Variants in PTPRS observed in about 807,000 individuals in gnomAD.
PTPRS encodes protein tyrosine phosphatase receptor type S, also known as receptor-type tyrosine-protein phosphatase S.
In PTPRS, 63 loss-of-function variants were observed where a neutral mutation model predicts 215.3. The observed-to-expected ratio is 0.29, with a 90% CI of 0.24 to 0.36. The LOEUF (loss-of-function observed/expected upper bound fraction) is 0.36, where lower values mean the gene tolerates loss of function less well. PTPRS is among the 10% of genes least tolerant of loss of function. The pLI is 1.00. For synonymous variants in PTPRS, 1,404 were observed against 1,191.4 expected, an observed-to-expected ratio of 1.18 and a Z score of -3.68; for missense variants, 2,258 against 2,825.8, an observed-to-expected ratio of 0.80 and a Z score of 4.56.
At position 5,210,711 on chromosome 19, in the gene PTPRS, C is replaced by A. The variant is rs1231208863; in HGVS notation, c.5329G>T (p.Val1777Leu). Residue 1777 changes from valine (V) to leucine (L), a missense_variant, in exon 34 of 38, where the codon GTG becomes TTG. Val to Leu is a conservative substitution (Grantham distance 32). Coordinates refer to ENST00000262963, the MANE Select transcript of PTPRS (RefSeq NM_002850.4). The surrounding 1 kb of genome is among the most constrained non-coding windows in gnomAD (Gnocchi z 4.5). The part of the protein sequence containing the change: ...MLWENNSTIV[V>L]MLTKLREMGR... The stretch of plus-strand genomic sequence containing the variant: ...ATCTCCCGCAGCTTGGTCAGCATCA[C>A]CACGATCGTCGAATTGTTCTCCCAC... The A allele has an allele frequency of 6.2e-7, 1 of 1,614,198 alleles. No homozygotes were observed. Among genetic ancestry groups the A allele is most frequent in the Admixed American group, 1.7e-5 (1 of 60,026 alleles).
intron 2 of PTPRS, among the ~76,000 whole-genome samples, chr19:5,276,079 C>T (rs1357420593): frequency 6.6e-6 from 1 of 152,246 alleles, no homozygotes; most frequent in East Asian, 1.9e-4. Flanking sequence ...CTTGCTTTGG[C>T]TGGACATGCA....
intron 5 of PTPRS, among the ~76,000 whole-genome samples, chr19:5,264,004 T>C (rs2046222130): frequency 6.6e-6 from 1 of 152,152 alleles, no homozygotes; most frequent in African/African-American, 2.4e-5. Flanking sequence ...CCCAGACAGA[T>C]GGACCCACAG....
Position 5,208,045 on chromosome 19 carries a change from G to A in PTPRS, c.5655C>T (p.Gly1885=), listed in dbSNP as rs531465256. 3.0e-5 allele frequency: 49 copies of A among 1,612,136 alleles called. No homozygotes were observed. Among genetic ancestry groups the A allele is most frequent in the Non-Finnish European group, 4.1e-5 (48 of 1,179,076 alleles). ...PISVHCSAGV[G]RTGVFITLSI... is the part of the protein sequence containing the mutation. Reference sequence around the variant, plus strand: ...TAAGCGTGATGAAGACGCCCGTCCTGCCCACGCCGGCACTGGTGGCAGTAA... The same window carrying A: ...TAAGCGTGATGAAGACGCCCGTCCTACCCACGCCGGCACTGGTGGCAGTAA... The change falls in exon 37 of 38, where the codon GGC becomes GGT. Residue 1885 remains glycine, a synonymous_variant. Transcript: ENST00000262963.
At position 5,247,483 on chromosome 19, in the gene PTPRS, A is replaced by G. The variant is rs968623404; in HGVS notation, c.719-1438T>C. Among the ~76,000 whole-genome samples the G allele has an allele frequency of 2.6e-5, 4 of 152,144 alleles. No individual in the cohort carries two copies. In the East Asian group the frequency reaches 7.7e-4, roughly 29 times the overall value. ...CTGTGGGAAGGACTCGGGTGAACCT[A>G]ATAAATCCTTCTAGCAGGAAAAGGG... On this transcript the variant is annotated intron_variant, in intron 9 of 37. Coordinates refer to ENST00000262963, the MANE Select transcript of PTPRS (RefSeq NM_002850.4).
At chr19:5,315,294 C>G (rs964272835) in intron 1 of PTPRS, among the ~76,000 whole-genome samples, 2 of 151,086 alleles carry the variant, frequency 1.3e-5, no homozygotes, top group African/African-American at 4.9e-5. Context: ...AATAAAAAAC[C>G]CTGCCACTTA....
At chr19:5,217,270 T>C (rs1402780520) in intron 25 of PTPRS, among the ~76,000 whole-genome samples, 1 of 152,178 alleles carries the variant, frequency 6.6e-6, no homozygotes, top group Admixed American at 6.5e-5. Context: ...AGAAATGAGA[T>C]GGGAGCACAT....
In PTPRS at chr19:5,231,599, A is replaced by T. The variant is rs773183026; in HGVS notation, c.1866T>A (p.Pro622=). The part of the protein sequence containing the change: ...RTLQSKPSAP[P]QDVKCVSVRS... ...GCACGCTGACACATTTAACGTCTTG[A>T]GGGGGGGCTGACGGTTCTATTGGAG... The change falls in exon 14 of 38, where the codon CCT becomes CCA. Residue 622 remains proline, a synonymous_variant. Coordinates refer to ENST00000262963, the MANE Select transcript of PTPRS (RefSeq NM_002850.4). 4 of 1,467,154 alleles carry T rather than the reference A, an allele frequency of 2.7e-6. No homozygotes were observed. Among genetic ancestry groups the T allele is most frequent in the Non-Finnish European group, 2.7e-6 (3 of 1,108,172 alleles). The allele number at this position is 1,467,154 out of a possible 1,614,324, so 90.9% of individuals were successfully genotyped here.
chr19:5,229,386 G>T, intron 15 of PTPRS, 44 bp from the exon 16 acceptor site: 1 of 1,366,516 alleles, frequency 7.3e-7, no homozygotes. Context: ...AGGAAGGTGA[G>T]CGGGGGAGGC....
At chr19:5,323,673 G>A (rs971248512) in intron 1 of PTPRS, among the ~76,000 whole-genome samples, 5 of 152,254 alleles carry the variant, frequency 3.3e-5, no homozygotes, top group Admixed American at 2.0e-4. Flanking sequence ...AGAGGAAGGA[G>A]GGGACGGCAG....
At chr19:5,329,689 C>T (rs113611644) in intron 1 of PTPRS, among the ~76,000 whole-genome samples, 6,196 of 151,832 alleles carry the variant, frequency 0.041, 146 homozygotes, top group South Asian at 0.094. Context: ...GGCGTGAACC[C>T]GGGAGGTGGA....
At position 5,222,705 on chromosome 19, in the gene PTPRS, C is replaced by T. The variant is rs370072156; in HGVS notation, c.3087G>A (p.Thr1029=). 1.2e-5 allele frequency: 19 copies of T among 1,589,136 alleles called. No homozygotes were observed. Among genetic ancestry groups the T allele is most frequent in the Admixed American group, 6.8e-5 (4 of 58,706 alleles). The part of the protein sequence containing the change: ...GPFSPPVRYR[T]FLRDQVSPKN... Reference sequence around the variant, plus strand: ...CGCGCCTACCTTGGTCCCGCAGGAACGTCCGGTAGCGGACGGGGGGGCTGA... The same window carrying T: ...CGCGCCTACCTTGGTCCCGCAGGAATGTCCGGTAGCGGACGGGGGGGCTGA... Residue 1029 remains threonine (T), a synonymous_variant, in exon 18 of 38, where the codon ACG becomes ACA. Transcript: ENST00000262963.
intron 1 of PTPRS, among the ~76,000 whole-genome samples, chr19:5,327,139 G>A (rs1021119687): frequency 2.6e-5 from 4 of 152,178 alleles, no homozygotes; most frequent in African/African-American, 7.2e-5. Context: ...AGGGCTTGCC[G>A]TAGGTGCCCG....
Position 5,244,543 on chromosome 19 carries a change from G to T in PTPRS, c.989-61C>A. 1 of 1,408,136 alleles carries T rather than the reference G, an allele frequency of 7.1e-7. No homozygotes were observed. The highest frequency in any genetic ancestry group is 9.8e-7 in the Non-Finnish European group (1 of 1,023,212). 87.2% of individuals were successfully genotyped at this position (1,408,136 alleles called of 1,614,324 possible). A position where few individuals can be genotyped will look rare whatever the true frequency, so the allele number is the denominator to read the frequency against. On this transcript the variant is annotated intron_variant, in intron 10 of 37. Coordinates refer to ENST00000262963, the MANE Select transcript of PTPRS (RefSeq NM_002850.4). This position sits in a 1 kb window ranked among gnomAD's most constrained non-coding sequence, Gnocchi z 7.2. ...ACATTGGTTGAGGACCCTGAAGGCT[G>T]TGTGACTTTTCACCATTCAGTCGCC...
intron 1 of PTPRS, among the ~76,000 whole-genome samples, chr19:5,326,708 AGAAAC>A (rs546344638): frequency 1.3e-5 from 2 of 151,688 alleles, no homozygotes; most frequent in Non-Finnish European, 2.9e-5. Context: ...GAAAAAAAAA[AGAAAC>A]GAAGAAAAGA....
At chr19:5,218,357 A>T in intron 25 of PTPRS, 63 bp downstream of exon 25, 1 of 1,478,894 alleles carries the variant, frequency 6.8e-7, no homozygotes, top group Non-Finnish European at 9.3e-7. Context: ...GGTGGCAGCT[A>T]CTGCTTCTCC....
chr19:5,280,269 T>C (rs2047734487), intron 2 of PTPRS, among the ~76,000 whole-genome samples: 1 of 152,144 alleles, frequency 6.6e-6, no homozygotes. Context: ...GGTAGGTCCC[T>C]GTGGGCCCCA....
At chr19:5,254,418 T>TG (rs1321439551) in intron 9 of PTPRS, among the ~76,000 whole-genome samples, 1 of 78,382 alleles carries the variant, frequency 1.3e-5, no homozygotes, top group East Asian at 2.2e-4. Flanking sequence ...GATATTTTAT[T>TG]GGGGGGTGTT....
intron 13 of PTPRS, among the ~76,000 whole-genome samples, chr19:5,235,162 G>A (rs999851887): frequency 4.0e-5 from 6 of 151,818 alleles, no homozygotes; most frequent in African/African-American, 1.5e-4. Context: ...GGATGGTCTC[G>A]ATCTCCTGAC....
intron 9 of PTPRS, among the ~76,000 whole-genome samples, chr19:5,255,763 G>A (rs1302213895): frequency 9.9e-5 from 15 of 152,132 alleles, no homozygotes; most frequent in African/African-American, 2.2e-4. Flanking sequence ...TTACCATGAC[G>A]ACGAGGAGTG....
Sources: gnomAD v4.1 joint callset for allele counts (sites outside exome capture counted in the v4.1 genomes callset) on GRCh38, gnomAD v4.1.1 for gene constraint, Gnocchi (gnomAD v3.1) non-coding constraint, MANE v1.5 for transcripts, NCBI Gene and HGNC (gene_info 2026-07-23, HGNC 2026-07-21) for gene names.